Variants in PMFBP1 observed in about 807,000 individuals in gnomAD.
PMFBP1 encodes the protein polyamine modulated factor 1 binding protein 1, also known as polyamine-modulated factor 1-binding protein 1.
Under a neutral mutation model 137.8 loss-of-function variants are expected in PMFBP1, and 131 were observed. The ratio of observed to expected loss-of-function variants is 0.95; its 90% CI spans 0.82 to 1.10. The LOEUF (loss-of-function observed/expected upper bound fraction) is 1.10, where lower values mean the gene tolerates loss of function less well. PMFBP1 is among the 50% of genes least tolerant of loss of function. The probability of loss-of-function intolerance (pLI) is 0.00; values close to 1 mark genes in which losing one functional copy is unlikely to be tolerated. For missense variants in PMFBP1, 1,199 were observed against 1,175.4 expected (o/e 1.02, Z -0.29); for synonymous variants, 490 against 450.4 (o/e 1.09, Z -1.11).
the PMFBP1 span, among the ~76,000 whole-genome samples, chr16:72,245,135 T>TG: frequency 2.6e-5 from 4 of 152,298 alleles, no homozygotes; most frequent in South Asian, 2.1e-4. Flanking sequence ...ATGTTAGCAC[T>TG]GGGGGGGATC....
rs536136218 is a variant in PMFBP1, at chr16:72,164,992, A to G, written c.13-76T>C. On this transcript the variant is annotated intron_variant, in intron 2 of 20. Coordinates refer to ENST00000237353, the MANE Select transcript of PMFBP1 (RefSeq NM_031293.3). Reference sequence around the variant, plus strand: ...CTGCTTTCATTCACTTAACAGGTTGACAGAGACTTGAAATTTGCTGGAAAT... The same window carrying G: ...CTGCTTTCATTCACTTAACAGGTTGGCAGAGACTTGAAATTTGCTGGAAAT... The G allele has an allele frequency of 1.2e-5, 17 of 1,431,294 alleles. No individual in the cohort carries two copies. The East Asian group carries it at 3.7e-4, about 32-fold the overall frequency. The allele number at this position is 1,431,294 out of a possible 1,614,324, so 88.7% of individuals were successfully genotyped here.
upstream of PMFBP1, among the ~76,000 whole-genome samples, chr16:72,173,740 G>C (rs1049353634): frequency 6.6e-6 from 1 of 152,166 alleles, no homozygotes; most frequent in Non-Finnish European, 1.5e-5. Flanking sequence ...GAGCCCCACA[G>C]GCTTTACGAA....
At chr16:72,162,525 C>T (rs935797017) in intron 3 of PMFBP1, among the ~76,000 whole-genome samples, 2 of 152,164 alleles carry the variant, frequency 1.3e-5, no homozygotes, top group Admixed American at 6.6e-5. Flanking sequence ...TTCAGAAAGT[C>T]TTGGTTTCCC....
the PMFBP1 span, among the ~76,000 whole-genome samples, chr16:72,246,898 T>C: frequency 6.6e-6 from 1 of 152,172 alleles, no homozygotes; most frequent in Non-Finnish European, 1.5e-5. Context: ...TAAAGCAGTA[T>C]AGAAATAAAA....
At chr16:72,125,564 G>C (rs572310412) in intron 15 of PMFBP1, among the ~76,000 whole-genome samples, 159 bp from the exon 16 acceptor site, 9 of 152,180 alleles carry the variant, frequency 5.9e-5, no homozygotes, top group Admixed American at 5.9e-4. Flanking sequence ...GGAAATGACA[G>C]TGGTTGGTTT....
chr16:72,239,915 A>AAAAAAAAAAAAAAAAAAAAAAAAG, the PMFBP1 span, among the ~76,000 whole-genome samples: 1 of 145,050 alleles, frequency 6.9e-6, no homozygotes, highest in Non-Finnish European at 1.5e-5. Context: ...AAAAAAAAAA[A>AAAAAAAAAAAAAAAAAAAAAAAAG]AAGAATGTTC....
intron 5 of PMFBP1, among the ~76,000 whole-genome samples, chr16:72,146,954 T>C (rs2042816993): frequency 6.6e-6 from 1 of 152,228 alleles, no homozygotes; most frequent in Admixed American, 6.5e-5. Flanking sequence ...CTGCCCAAAG[T>C]ACTTTATAGA....
the PMFBP1 span, among the ~76,000 whole-genome samples, chr16:72,205,856 C>T: frequency 4.6e-5 from 7 of 152,152 alleles, no homozygotes; most frequent in Non-Finnish European, 7.3e-5. Context: ...TAAGCAGGTA[C>T]GTTCTAGAAG....
intron 10 of PMFBP1, among the ~76,000 whole-genome samples, chr16:72,131,511 A>G (rs2042548838): frequency 6.6e-6 from 1 of 152,124 alleles, no homozygotes; most frequent in African/African-American, 2.4e-5. Context: ...GTATGAGGGG[A>G]AGGCAGCTAC....
In PMFBP1 at chr16:72,119,273, G is replaced by A. The variant is rs2144209067; in HGVS notation, c.*65C>T. The A allele has an allele frequency of 6.5e-7, 1 of 1,535,292 alleles. No homozygotes were observed. The highest frequency in any genetic ancestry group is 1.1e-5 in the South Asian group (1 of 89,362). ...TGATCCAGGTCAAGAGAGAGGGAGG[G>A]CTGGGAACTCACTGTCCTCTGAAGA... On this transcript the variant is annotated 3_prime_UTR_variant, in exon 21 of 21. Transcript: ENST00000237353.
intron 6 of PMFBP1, 102 bp from the exon 7 acceptor site, chr16:72,139,501 G>A (rs2042683887): frequency 3.2e-6 from 3 of 948,032 alleles, no homozygotes; most frequent in Non-Finnish European, 5.0e-6. Context: ...TAAGTTTGTT[G>A]CAGAATTATA....
intron 14 of PMFBP1, 93 bp from the exon 15 acceptor site, chr16:72,126,225 T>C: frequency 1.4e-6 from 2 of 1,420,108 alleles, no homozygotes; most frequent in Admixed American, 4.2e-5. Context: ...AGCCAAGCTC[T>C]CTCCTGTCTG....
At chr16:72,123,107 C>A in intron 18 of PMFBP1, 119 bp from the exon 19 acceptor site, 1 of 828,696 alleles carries the variant, frequency 1.2e-6, no homozygotes, top group South Asian at 1.6e-5. Context: ...CCCACGTCCC[C>A]CACGCATCAC....
At chr16:72,156,333 T>C (rs1165692004) in intron 3 of PMFBP1, among the ~76,000 whole-genome samples, 2 of 144,730 alleles carry the variant, frequency 1.4e-5, no homozygotes, top group African/African-American at 2.5e-5. Flanking sequence ...GAATCAGTAT[T>C]GGAGGCCGGG....
the PMFBP1 span, among the ~76,000 whole-genome samples, chr16:72,249,940 A>AG: frequency 6.6e-6 from 1 of 151,040 alleles, no homozygotes; most frequent in Admixed American, 6.6e-5. Context: ...AAAAAAAAAA[A>AG]AAAAGAAAGA....
At chr16:72,186,157 T>A in the PMFBP1 span, among the ~76,000 whole-genome samples, 1 of 152,140 alleles carries the variant, frequency 6.6e-6, no homozygotes, top group Non-Finnish European at 1.5e-5. Context: ...TCCAGTCAAG[T>A]TTTGCAGATC....
At chr16:72,139,247 C>T in intron 7 of PMFBP1, 42 bp downstream of exon 7, 1 of 1,429,682 alleles carries the variant, frequency 7.0e-7, no homozygotes, top group Non-Finnish European at 9.8e-7. Context: ...AAACCCAGCT[C>T]AGCCCGATCC....
At chr16:72,117,973 A>G (rs969673186), downstream of PMFBP1, among the ~76,000 whole-genome samples, 9 of 152,184 alleles carry the variant, frequency 5.9e-5, no homozygotes, top group African/African-American at 1.9e-4. Context: ...TCTGCTACCA[A>G]TTAGCTCTCC....
chr16:72,133,552 G>T (rs1009200004), intron 9 of PMFBP1, among the ~76,000 whole-genome samples: 6 of 152,100 alleles, frequency 3.9e-5, no homozygotes, highest in African/African-American at 1.4e-4. Flanking sequence ...GCAGTGGCAC[G>T]ATCGTAGCTC....
Sources: gnomAD v4.1 joint callset for allele counts (sites outside exome capture counted in the v4.1 genomes callset) on GRCh38, gnomAD v4.1.1 for gene constraint, MANE v1.5 for transcripts, NCBI Gene and HGNC (gene_info 2026-07-23, HGNC 2026-07-21) for gene names.